Variants in MORC1 observed in about 807,000 individuals in gnomAD.
The protein encoded by MORC1 is MORC family CW-type zinc finger 1.
Under a neutral mutation model 134.9 loss-of-function variants are expected in MORC1, and 59 were observed. That is an observed-to-expected ratio of 0.44 (90% confidence interval 0.35 to 0.54). MORC1 has a LOEUF of 0.54. Ranked by LOEUF, MORC1 falls within the 20% of genes least tolerant of loss-of-function variation. The pLI is 0.00. For synonymous variants in MORC1, 395 were observed against 391.7 expected (o/e 1.01, Z -0.10); for missense variants, 947 against 1,134.5 (o/e 0.83, Z 2.37).
rs1305860630 is a variant in MORC1, at chr3:109,038,286, G to GT, written c.1331-2819_1331-2818insA. On this transcript the variant is annotated intron_variant, in intron 14 of 27. Coordinates refer to ENST00000232603, the MANE Select transcript of MORC1 (RefSeq NM_014429.4). ...ATATCCTTTGCCCACTTGTTGATGG[G>GT]GTTTTTTTTTTTTGTAAATTTGTTT... Among the ~76,000 whole-genome samples, 45 of 71,410 alleles carry GT rather than the reference G, an allele frequency of 6.3e-4. No homozygotes were observed. In the East Asian group the frequency reaches 0.018, roughly 29 times the overall value. 46.8% of individuals were successfully genotyped at this position (71,410 alleles called of 152,430 possible). A position where few individuals can be genotyped will look rare whatever the true frequency, so the allele number is the denominator to read the frequency against.
chr3:108,964,420 T>C (rs1947161674), intron 26 of MORC1, among the ~76,000 whole-genome samples: 1 of 152,222 alleles, frequency 6.6e-6, no homozygotes. Flanking sequence ...CATGACTGGG[T>C]TGCCAAGAAA....
chr3:108,984,845 A>G, intron 22 of MORC1, 63 bp from the exon 23 acceptor site: 1 of 1,338,676 alleles, frequency 7.5e-7, no homozygotes, highest in Non-Finnish European at 1.0e-6. Context: ...GAACCAAAAG[A>G]AATGTTAGCA....
At chr3:109,048,653 G>C (rs1190150973) in intron 14 of MORC1, among the ~76,000 whole-genome samples, 1 of 152,134 alleles carries the variant, frequency 6.6e-6, no homozygotes, top group East Asian at 1.9e-4. Context: ...CAAGATCAAG[G>C]TATTGGCAGG....
At chr3:108,965,653 A>G (rs1359572711) in intron 26 of MORC1, among the ~76,000 whole-genome samples, 1 of 152,218 alleles carries the variant, frequency 6.6e-6, no homozygotes, top group Non-Finnish European at 1.5e-5. Context: ...ATGACATACA[A>G]CTATACACAC....
In MORC1 at chr3:109,107,146, C is replaced by T. The variant is rs1951057345; in HGVS notation, c.155-3229G>A. On this transcript the variant is annotated intron_variant, in intron 3 of 27. Transcript: ENST00000232603. ...CCCTTTCCACGCTTCACTCACCAGG[C>T]GAATGTCTATTTTCTCTTTCAATTA... Among the ~76,000 whole-genome samples the T allele has an allele frequency of 2.6e-5, 4 of 152,150 alleles. No individual in the cohort carries two copies. The South Asian group carries it at 8.3e-4, about 32-fold the overall frequency.
chr3:109,022,793 A>G (rs896937969), intron 17 of MORC1, among the ~76,000 whole-genome samples: 1 of 152,240 alleles, frequency 6.6e-6, no homozygotes, highest in Admixed American at 6.5e-5. Context: ...TTGTTTGCTA[A>G]ATACCTATTA....
At chr3:109,030,930 T>C (rs1479332881) in intron 16 of MORC1, among the ~76,000 whole-genome samples, 1 of 152,208 alleles carries the variant, frequency 6.6e-6, no homozygotes, top group Non-Finnish European at 1.5e-5. Context: ...ATATGCCTTA[T>C]CAAAGTATCT....
intron 10 of MORC1, among the ~76,000 whole-genome samples, chr3:109,062,338 A>C (rs1950101986): frequency 6.6e-6 from 1 of 152,100 alleles, no homozygotes; most frequent in African/African-American, 2.4e-5. Context: ...CAAAATATGG[A>C]TATAGAGCTA....
intron 9 of MORC1, among the ~76,000 whole-genome samples, chr3:109,065,147 C>T (rs1950168686): frequency 6.6e-6 from 1 of 152,142 alleles, no homozygotes; most frequent in African/African-American, 2.4e-5. Flanking sequence ...AACTTCCCTC[C>T]TTTCTTCTTG....
chr3:109,003,391 G>GCATACACA lies in MORC1; in HGVS notation c.2085+1425_2085+1426insTGTGTATG, dbSNP rs1948456336. Among the ~76,000 whole-genome samples the GCATACACA allele has an allele frequency of 1.4e-5, 2 of 146,650 alleles. 1 individual carries two copies. Among genetic ancestry groups the GCATACACA allele is most frequent in the Admixed American group, 1.4e-4 (2 of 14,548 alleles). On this transcript the variant is annotated intron_variant, in intron 20 of 27. Coordinates refer to ENST00000232603, the MANE Select transcript of MORC1 (RefSeq NM_014429.4). ...ATAGCTTTACATATTATATGTGTAT[G>GCATACACA]CACACACACACACACACACACACAC... is the stretch of plus-strand genomic sequence containing the variant.
intron 27 of MORC1, among the ~76,000 whole-genome samples, chr3:108,962,470 T>C (rs1438206421): frequency 6.6e-6 from 1 of 152,138 alleles, no homozygotes; most frequent in Non-Finnish European, 1.5e-5. Flanking sequence ...TATGGCGAGT[T>C]TCTTGTCTCT....
intron 8 of MORC1, among the ~76,000 whole-genome samples, chr3:109,092,676 T>C (rs1950754619): frequency 6.6e-6 from 1 of 152,232 alleles, no homozygotes; most frequent in Non-Finnish European, 1.5e-5. Flanking sequence ...ATTTCACCTA[T>C]TCTTTTTACT....
In MORC1 at chr3:109,024,352, A is replaced by G. The variant is rs115314710; in HGVS notation, c.1704+3399T>C. The stretch of plus-strand genomic sequence containing the variant: ...TTTCCTCTTTGTTAAAATAGATATA[A>G]CTAGCTGGAATGTTGTAGGAATTAA... On this transcript the variant is annotated intron_variant, in intron 17 of 27. Coordinates refer to ENST00000232603, the MANE Select transcript of MORC1 (RefSeq NM_014429.4). Among the ~76,000 whole-genome samples, 435 of 152,288 alleles carry G rather than the reference A, an allele frequency of 2.9e-3. 7 individuals carry two copies. Among genetic ancestry groups the G allele is most frequent in the African/African-American group, 0.01 (418 of 41,564 alleles).
chr3:109,050,013 TG>T (rs10715016), intron 14 of MORC1, among the ~76,000 whole-genome samples: 39,076 of 151,938 alleles, frequency 0.26, 5,236 homozygotes, highest in Middle Eastern at 0.43. Context: ...TTCAAATACC[TG>T]GGGGGGCTGC....
At position 109,054,725 on chromosome 3, in the gene MORC1, C is replaced by A; in HGVS notation, c.1330+3G>T. ...TCTCCTACTATGACTATTGAATACT[C>A]ACTGATGCCGGTGTCCTTACAGTAC... On this transcript the variant is annotated splice_donor_region_variant and intron_variant, in intron 14 of 27. Transcript: ENST00000232603. 1 of 1,534,676 alleles carries A rather than the reference C, an allele frequency of 6.5e-7. No homozygotes were observed. Among genetic ancestry groups the A allele is most frequent in the South Asian group, 1.3e-5 (1 of 75,624 alleles).
At chr3:109,032,891 G>A in intron 15 of MORC1, 66 bp from the exon 16 acceptor site, 1 of 1,020,994 alleles carries the variant, frequency 9.8e-7, no homozygotes, top group Non-Finnish European at 1.5e-6. Flanking sequence ...TAAGATGTCA[G>A]TTTGCACATA....
rs139295885 is a variant in MORC1 at position 108,986,981 on chromosome 3, C to A, written c.2188-32G>T. On this transcript the variant is annotated intron_variant, in intron 21 of 27. Transcript: ENST00000232603. ...AACAAGCTCTTTATTTAAAACTGTA[C>A]AAAAACATAGGACATATTATAAACT... 3.3e-6 allele frequency: 5 copies of A among 1,494,296 alleles called. No homozygotes were observed. In the Admixed American group the frequency reaches 1.1e-4, roughly 33 times the overall value. The allele number at this position is 1,494,296 out of a possible 1,614,324, so 92.6% of individuals were successfully genotyped here.
chr3:109,035,171 T>A (rs1949345426), intron 15 of MORC1, among the ~76,000 whole-genome samples, 169 bp downstream of exon 15: 1 of 152,224 alleles, frequency 6.6e-6, no homozygotes, highest in Non-Finnish European at 1.5e-5. Flanking sequence ...TACCTTATTT[T>A]TCCCTGTATT....
chr3:108,971,954 G>T (rs74644958), intron 24 of MORC1, among the ~76,000 whole-genome samples: 5,175 of 152,170 alleles, frequency 0.034, 278 homozygotes, highest in African/African-American at 0.12. Context: ...GTTCTCTTCT[G>T]CAGAGAACTC....
Sources: gnomAD v4.1 joint callset for allele counts (sites outside exome capture counted in the v4.1 genomes callset) on GRCh38, gnomAD v4.1.1 for gene constraint, MANE v1.5 for transcripts, NCBI Gene and HGNC (gene_info 2026-07-23, HGNC 2026-07-21) for gene names.